Variants in LTBP1 observed in about 807,000 individuals in gnomAD.
LTBP1 encodes latent-transforming growth factor beta-binding protein 1.
Under a neutral mutation model 207.6 loss-of-function variants are expected in LTBP1, and 129 were observed. The observed-to-expected ratio is 0.62, with a 90% CI of 0.54 to 0.72. The LOEUF is 0.72. Ranked by LOEUF, LTBP1 falls within the 30% of genes least tolerant of loss-of-function variation. The pLI, the probability that LTBP1 is intolerant of heterozygous loss-of-function variation, is 0.00. For synonymous variants in LTBP1, 963 were observed against 833.7 expected, an observed-to-expected ratio of 1.16 and a Z score of -2.67; for missense variants, 2,281 against 2,217.2, an observed-to-expected ratio of 1.03 and a Z score of -0.58.
At position 33,074,666 on chromosome 2, in the gene LTBP1, C is replaced by T. The variant is rs536291646; in HGVS notation, c.864-35916C>T. ...CAGGCAAATCATGAGGTCAGGAGATCGAGACCATCCTGGCTAACACGGTGA... is the reference window on the plus strand; with the variant it reads ...CAGGCAAATCATGAGGTCAGGAGATTGAGACCATCCTGGCTAACACGGTGA... On this transcript the variant is annotated intron_variant, in intron 3 of 33. Coordinates refer to ENST00000404816, the MANE Select transcript of LTBP1 (RefSeq NM_206943.4). Among the ~76,000 whole-genome samples the T allele has an allele frequency of 4.6e-5, 7 of 152,146 alleles. No homozygotes were observed. In the East Asian group the frequency reaches 5.8e-4, roughly 13 times the overall value.
chr2:33,267,046 C>T (rs540133486), intron 15 of LTBP1, among the ~76,000 whole-genome samples: 312 of 152,358 alleles, frequency 2.0e-3, no homozygotes, highest in African/African-American at 3.7e-3. Flanking sequence ...TCCGAGCTTT[C>T]GGGCAGCACT....
chr2:33,293,263 G>T lies in LTBP1; in HGVS notation c.3216G>T (p.Pro1072=), dbSNP rs911170800. The change falls in exon 20 of 34, where the codon CCG becomes CCT. Residue 1072 remains proline (P), a synonymous_variant. Transcript: ENST00000404816. The stretch of plus-strand genomic sequence containing the variant: ...GCCACAAAGGCTATACCCGGACTCC[G>T]GACCACAAGCACTGTAGAGGTAAAT... ...CSCHKGYTRT[P]DHKHCRDIDE... The T allele has an allele frequency of 1.2e-6, 2 of 1,613,376 alleles. No homozygotes were observed. Among genetic ancestry groups the T allele is most frequent in the South Asian group, 2.2e-5 (2 of 90,898 alleles).
intron 13 of LTBP1, among the ~76,000 whole-genome samples, chr2:33,261,847 GA>G (rs2093019798): frequency 6.6e-6 from 1 of 152,184 alleles, no homozygotes; most frequent in African/African-American, 2.4e-5. Context: ...GGTGATACTT[GA>G]AGCCAGGAGA....
chr2:33,213,975 T>C (rs748693050), intron 7 of LTBP1, among the ~76,000 whole-genome samples: 1 of 152,154 alleles, frequency 6.6e-6, no homozygotes, highest in Non-Finnish European at 1.5e-5. Context: ...TGAGAAAAAA[T>C]GATTTATTTT....
intron 5 of LTBP1, among the ~76,000 whole-genome samples, chr2:33,147,198 A>G (rs560234964): frequency 2.0e-5 from 3 of 152,322 alleles, no homozygotes; most frequent in Admixed American, 6.5e-5. Flanking sequence ...TCTAAATCAG[A>G]ATTTCTCAGT....
Position 33,087,280 on chromosome 2 carries a change from C to G in LTBP1, c.864-23302C>G, listed in dbSNP as rs1162161289. 5.9e-5 allele frequency among the ~76,000 whole-genome samples: 9 copies of G among 151,894 alleles called. No individual in the cohort carries two copies. In the South Asian group the frequency reaches 1.0e-3, roughly 18 times the overall value. On this transcript the variant is annotated intron_variant, in intron 3 of 33. Transcript: ENST00000404816. ...GTGTGCTCTCACTCTGTCTCCCAGGCTAATCTTGAACTCCTGGCCTCAAGG... is the reference window on the plus strand; with the variant it reads ...GTGTGCTCTCACTCTGTCTCCCAGGGTAATCTTGAACTCCTGGCCTCAAGG...
intron 9 of LTBP1, among the ~76,000 whole-genome samples, chr2:33,239,403 T>G (rs1198683796): frequency 6.6e-6 from 1 of 152,244 alleles, no homozygotes; most frequent in Non-Finnish European, 1.5e-5. Flanking sequence ...GCCTTCATTC[T>G]TTAACTCAGG....
intron 3 of LTBP1, chr2:33,056,239 C>G (rs1295647447): frequency 2.5e-6 from 1 of 402,498 alleles, no homozygotes; most frequent in African/African-American, 2.1e-5. Context: ...GTCCCAATAG[C>G]TTAGGATGCA....
intron 6 of LTBP1, 96 bp from the exon 7 acceptor site, chr2:33,188,481 C>A: frequency 9.1e-6 from 8 of 880,056 alleles, no homozygotes; most frequent in Middle Eastern, 3.2e-4. Flanking sequence ...GCTACACATG[C>A]ATGCATGTTT....
At chr2:33,086,553 A>G (rs72869697) in intron 3 of LTBP1, among the ~76,000 whole-genome samples, 64 of 152,312 alleles carry the variant, frequency 4.2e-4, no homozygotes, top group African/African-American at 1.5e-3. Flanking sequence ...ACTGCGGTGA[A>G]TAAGTCCTTG....
chr2:33,208,279 A>G (rs893968612), intron 7 of LTBP1, among the ~76,000 whole-genome samples: 2 of 152,210 alleles, frequency 1.3e-5, no homozygotes, highest in African/African-American at 2.4e-5. Context: ...TGACTTTATA[A>G]TGGTCACAGC....
chr2:33,172,591 T>G (rs2085567636), intron 5 of LTBP1, among the ~76,000 whole-genome samples: 1 of 152,152 alleles, frequency 6.6e-6, no homozygotes, highest in Admixed American at 6.5e-5. Flanking sequence ...ATTAGACAGA[T>G]CAGCGAGACA....
At chr2:33,126,729 A>G (rs557615423) in intron 4 of LTBP1, among the ~76,000 whole-genome samples, 227 of 152,276 alleles carry the variant, frequency 1.5e-3, no homozygotes, top group Admixed American at 3.3e-3. Flanking sequence ...TTTCCTAATG[A>G]TGAGATCTAT....
chr2:33,138,739 A>T (rs2082343975), intron 5 of LTBP1, among the ~76,000 whole-genome samples: 1 of 152,102 alleles, frequency 6.6e-6, no homozygotes, highest in Non-Finnish European at 1.5e-5. Context: ...AAAAGCAGTC[A>T]TGATGGTCAA....
chr2:33,200,492 C>G (rs2149072571), intron 7 of LTBP1, among the ~76,000 whole-genome samples: 1 of 152,332 alleles, frequency 6.6e-6, no homozygotes, highest in East Asian at 1.9e-4. Flanking sequence ...GGATTAAAGA[C>G]TTAAACGTTA....
chr2:33,075,200 A>G (rs1016135171), intron 3 of LTBP1, among the ~76,000 whole-genome samples: 1 of 152,236 alleles, frequency 6.6e-6, no homozygotes, highest in African/African-American at 2.4e-5. Flanking sequence ...CTAGCTCCTC[A>G]GGAGGCTAAC....
intron 3 of LTBP1, among the ~76,000 whole-genome samples, chr2:33,053,197 T>C (rs1202298711): frequency 2.0e-5 from 3 of 152,112 alleles, no homozygotes; most frequent in Non-Finnish European, 4.4e-5. Flanking sequence ...TTAAGGGCAG[T>C]TTTAGGTTCA....
chr2:33,385,578 CCT>C (rs2095258595), intron 31 of LTBP1, among the ~76,000 whole-genome samples: 1 of 152,140 alleles, frequency 6.6e-6, no homozygotes, highest in African/African-American at 2.4e-5. Context: ...AATTCTTGTT[CCT>C]GTGTTACAGA....
chr2:33,304,159 T>C (rs114017491), intron 22 of LTBP1, among the ~76,000 whole-genome samples: 282 of 152,330 alleles, frequency 1.9e-3, no homozygotes, highest in Admixed American at 3.7e-3. Context: ...GTAAGAAAGC[T>C]TCTTTTGGAA....
Sources: gnomAD v4.1 joint callset for allele counts (sites outside exome capture counted in the v4.1 genomes callset) on GRCh38, gnomAD v4.1.1 for gene constraint, MANE v1.5 for transcripts, NCBI Gene and HGNC (gene_info 2026-07-23, HGNC 2026-07-21) for gene names.